The following PFDN4 variants were observed in gnomAD, a reference collection of about 807,000 sequenced individuals.
PFDN4 encodes prefoldin subunit 4.
Under a neutral mutation model 17.6 loss-of-function variants are expected in PFDN4, and 6 were observed. The ratio of observed to expected loss-of-function variants is 0.34; its 90% CI spans 0.19 to 0.67. The LOEUF is 0.67. Among genes scored for constraint, PFDN4 ranks in the 30% least tolerant of loss-of-function variants. The probability of loss-of-function intolerance (pLI) is 0.68; values close to 1 mark genes in which losing one functional copy is unlikely to be tolerated. For missense variants in PFDN4, 119 were observed against 158.4 expected (o/e 0.75, Z 1.33); for synonymous variants, 48 against 51.1 (o/e 0.94, Z 0.26).
chr20:54,219,063 A>G lies in PFDN4; in HGVS notation c.318A>G (p.Glu106=), dbSNP rs1474430790. The G allele has an allele frequency of 6.3e-7, 1 of 1,585,462 alleles. No homozygotes were observed. Among genetic ancestry groups the G allele is most frequent in the Non-Finnish European group, 8.6e-7 (1 of 1,162,990 alleles). ...EEIDALESRV[E]SIQRVLADLK... ...TTGACGCCTTAGAATCCAGAGTGGA[A>G]TCAATTCAGCGAGTGTTAGCAGATT... The change falls in exon 4 of 4, where the codon GAA becomes GAG. Residue 106 remains glutamate, a synonymous_variant. Transcript: ENST00000371419.
intron 2 of PFDN4, 61 bp from the exon 3 acceptor site, chr20:54,215,239 T>C (rs1230319450): frequency 2.4e-6 from 3 of 1,263,680 alleles, no homozygotes; most frequent in Non-Finnish European, 3.3e-6. Flanking sequence ...AAATTACAAT[T>C]GGCCTTTAGC....
intron 1 of PFDN4, among the ~76,000 whole-genome samples, chr20:54,211,180 A>G (rs1034375831): frequency 6.6e-6 from 1 of 152,236 alleles, no homozygotes; most frequent in African/African-American, 2.4e-5. Context: ...GTAAAAATAA[A>G]AGACTGAAAT....
At chr20:54,217,033 T>C (rs1243745168) in intron 3 of PFDN4, among the ~76,000 whole-genome samples, 1 of 152,132 alleles carries the variant, frequency 6.6e-6, no homozygotes, top group Non-Finnish European at 1.5e-5. Flanking sequence ...GGTTCTGCCA[T>C]GTACTAGGGA....
intron 1 of PFDN4, among the ~76,000 whole-genome samples, chr20:54,210,237 G>A (rs1026744420): frequency 1.3e-5 from 2 of 152,194 alleles, no homozygotes; most frequent in African/African-American, 2.4e-5. Flanking sequence ...GTAGGTGGTG[G>A]CCAAAATATA....
intron 1 of PFDN4, among the ~76,000 whole-genome samples, chr20:54,212,694 G>A (rs552329600): frequency 2.0e-5 from 3 of 152,304 alleles, no homozygotes; most frequent in South Asian, 4.1e-4. Flanking sequence ...TGCCTGTTGG[G>A]GGTTCAATAT....
chr20:54,208,331 G>A, intron 1 of PFDN4: 1 of 451,018 alleles, frequency 2.2e-6, no homozygotes, highest in Middle Eastern at 6.0e-4. Context: ...CAGCCGAGGC[G>A]GGGCGCCGGG....
chr20:54,218,380 G>T (rs1317872222), intron 3 of PFDN4, among the ~76,000 whole-genome samples: 1 of 151,642 alleles, frequency 6.6e-6, no homozygotes, highest in African/African-American at 2.4e-5. Flanking sequence ...TAAATTTATG[G>T]TGTAAAACGG....
At chr20:54,215,474 A>T (rs777642554) in intron 3 of PFDN4, 34 bp downstream of exon 3, 5 of 1,388,670 alleles carry the variant, frequency 3.6e-6, no homozygotes, top group Non-Finnish European at 5.0e-6. Flanking sequence ...ATTAGAATTT[A>T]TATCACTATA....
chr20:54,215,615 GT>G (rs2146542141), intron 3 of PFDN4, among the ~76,000 whole-genome samples, 175 bp downstream of exon 3: 1 of 152,334 alleles, frequency 6.6e-6, no homozygotes, highest in South Asian at 2.1e-4. Flanking sequence ...ACGATGACCT[GT>G]TATCCCAATT....
intron 3 of PFDN4, among the ~76,000 whole-genome samples, chr20:54,217,294 G>A (rs1243975083): frequency 1.3e-5 from 2 of 152,008 alleles, no homozygotes; most frequent in African/African-American, 2.4e-5. Context: ...GGCGGGGGGC[G>A]GGGGGTTCTA....
Position 54,219,678 on chromosome 20 carries a change from TATCA to T in PFDN4, c.*531_*534del. 1 of 398,124 alleles carries T rather than the reference TATCA, an allele frequency of 2.5e-6. No homozygotes were observed. Among genetic ancestry groups the T allele is most frequent in the Non-Finnish European group, 4.4e-6 (1 of 225,858 alleles). 24.7% of individuals were successfully genotyped at this position (398,124 alleles called of 1,614,324 possible). ...ACATATTTAACATTTTTTACATATCTATCAATATCAGAGATTTGGGTAAAAGAAT... is the reference window on the plus strand; with the variant it reads ...ACATATTTAACATTTTTTACATATCTATATCAGAGATTTGGGTAAAAGAAT... On this transcript the variant is annotated 3_prime_UTR_variant, in exon 4 of 4. Transcript: ENST00000371419.
Position 54,219,757 on chromosome 20 carries a change from C to G in PFDN4, c.*607C>G, listed in dbSNP as rs2092767343. The G allele has an allele frequency of 5.0e-6, 2 of 398,060 alleles. No individual in the cohort carries two copies. Among genetic ancestry groups the G allele is most frequent in the African/African-American group, 4.1e-5 (2 of 48,556 alleles). 24.7% of individuals were successfully genotyped at this position (398,060 alleles called of 1,614,324 possible). A position where few individuals can be genotyped will look rare whatever the true frequency, so the allele number is the denominator to read the frequency against. On this transcript the variant is annotated 3_prime_UTR_variant, in exon 4 of 4. Transcript: ENST00000371419. ...CATGTGGAGCTTTATACAAACAGGG[C>G]AGAACCACAGAAGAACGTTTTAGAA...
intron 1 of PFDN4, among the ~76,000 whole-genome samples, chr20:54,211,587 A>G (rs1029281986): frequency 2.6e-5 from 4 of 152,164 alleles, no homozygotes; most frequent in African/African-American, 4.8e-5. Context: ...AGAATTGGGT[A>G]ATTTGCCCAA....
chr20:54,210,999 C>T (rs1355975784), intron 1 of PFDN4, among the ~76,000 whole-genome samples: 2 of 152,274 alleles, frequency 1.3e-5, no homozygotes, highest in Non-Finnish European at 1.5e-5. Context: ...GCACGAGAAT[C>T]GCTTGAACCT....
rs60430064 is a variant in PFDN4 at position 54,211,962 on chromosome 20, G to A, written c.25-2389G>A. Reference sequence around the variant, plus strand: ...AATCCCAGCACTTTGGGAGGCCGAGGCTGGTGGATCACCTGAGGTTAGGAG... The same window carrying A: ...AATCCCAGCACTTTGGGAGGCCGAGACTGGTGGATCACCTGAGGTTAGGAG... On this transcript the variant is annotated intron_variant, in intron 1 of 3. Transcript: ENST00000371419. 2.0e-5 allele frequency among the ~76,000 whole-genome samples: 3 copies of A among 152,264 alleles called. No individual in the cohort carries two copies. The East Asian group carries it at 5.8e-4, about 29-fold the overall frequency.
In PFDN4 at chr20:54,217,649, C is replaced by G. The variant is rs368739687; in HGVS notation, c.274-1370C>G. 2.6e-4 allele frequency among the ~76,000 whole-genome samples: 40 copies of G among 152,232 alleles called. 1 individual carries two copies. The highest frequency in any genetic ancestry group is 9.6e-4 in the African/African-American group (40 of 41,532). On this transcript the variant is annotated intron_variant, in intron 3 of 3. Transcript: ENST00000371419. The stretch of plus-strand genomic sequence containing the variant: ...CCTGTGGGCTATAGTTTGCCCACTC[C>G]CGTCCCAGAGCAAAGAGGAGCCTTC...
In PFDN4 at chr20:54,215,400, A is replaced by G; in HGVS notation, c.233A>G (p.His78Arg). 6.2e-7 allele frequency: 1 copy of G among 1,604,766 alleles called. No homozygotes were observed. Among genetic ancestry groups the G allele is most frequent in the Non-Finnish European group, 8.5e-7 (1 of 1,174,472 alleles). Residue 78 changes from histidine (H) to arginine (R), a missense_variant, in exon 3 of 4, where the codon CAT becomes CGT. This residue lies in a region of PFDN4 where 81 missense variants were observed against 111.7 expected (regional missense o/e 0.73). Transcript: ENST00000371419. ...PYQIGDVFIS[H>R]SQEETQEMLE... ...CAAATTGGTGATGTCTTCATTAGCC[A>G]TTCTCAAGAAGAAACGCAAGAAATG...
At position 54,218,290 on chromosome 20, in the gene PFDN4, T is replaced by C. The variant is rs145598454; in HGVS notation, c.274-729T>C. 6.4e-3 allele frequency among the ~76,000 whole-genome samples: 972 copies of C among 151,728 alleles called. 15 individuals carry two copies. The highest frequency in any genetic ancestry group is 0.022 in the African/African-American group (921 of 41,234). Reference sequence around the variant, plus strand: ...TAGAATTGAAGAGGCTAAGTATCTATAGATAGGTAGGTAGAAAGAATTGTC... The same window carrying C: ...TAGAATTGAAGAGGCTAAGTATCTACAGATAGGTAGGTAGAAAGAATTGTC... On this transcript the variant is annotated intron_variant, in intron 3 of 3. Transcript: ENST00000371419.
Position 54,219,255 on chromosome 20 carries a change from AAAT to A in PFDN4, c.*106_*108del. Reference sequence around the variant, plus strand: ...TGGAAAGCAAAACTTTCTTTTTTAAAAATTTTCATTTATTTAATGGAAACTTGC... The same window carrying A: ...TGGAAAGCAAAACTTTCTTTTTTAAATTTCATTTATTTAATGGAAACTTGC... On this transcript the variant is annotated 3_prime_UTR_variant, in exon 4 of 4. Transcript: ENST00000371419. 1 of 698,750 alleles carries A rather than the reference AAAT, an allele frequency of 1.4e-6. No homozygotes were observed. The highest frequency in any genetic ancestry group is 2.2e-6 in the Non-Finnish European group (1 of 451,162). 43.3% of individuals were successfully genotyped at this position (698,750 alleles called of 1,614,324 possible). A position where few individuals can be genotyped will look rare whatever the true frequency, so the allele number is the denominator to read the frequency against.
Sources: allele counts gnomAD v4.1 joint callset (sites outside exome capture counted in the v4.1 genomes callset), GRCh38; gene constraint gnomAD v4.1.1; regional missense constraint gnomAD v4.1.1; transcripts MANE v1.5; gene names NCBI Gene and HGNC (gene_info 2026-07-23, HGNC 2026-07-21).